Variants in ALDH1A2 observed in about 807,000 individuals in gnomAD.
ALDH1A2 encodes retinal dehydrogenase 2.
ALDH1A2 carries 27 observed loss-of-function variants against 60.3 expected under a neutral mutation model. The ratio of observed to expected loss-of-function variants is 0.45; its 90% CI spans 0.33 to 0.62. The LOEUF (loss-of-function observed/expected upper bound fraction) is 0.62. Among genes scored for constraint, ALDH1A2 ranks in the 20% least tolerant of loss-of-function variants. ALDH1A2 has a pLI of 0.02. For synonymous variants in ALDH1A2, 289 were observed against 232.4 expected (o/e 1.24, Z -2.21); for missense variants, 581 against 643.8 (o/e 0.90, Z 1.06).
In ALDH1A2 at chr15:57,997,357, T is replaced by A. The variant is rs186288242; in HGVS notation, c.494-2218A>T. 7.8e-4 allele frequency among the ~76,000 whole-genome samples: 119 copies of A among 152,128 alleles called. 1 individual carries two copies. The highest frequency in any genetic ancestry group is 1.5e-3 in the Non-Finnish European group (99 of 67,944). Reference sequence around the variant, plus strand: ...CACTGATCAATAAGCTAGAGTTTCATTTACAAGAAAATCTTCTGCAACTGA... The same window carrying A: ...CACTGATCAATAAGCTAGAGTTTCAATTACAAGAAAATCTTCTGCAACTGA... On this transcript the variant is annotated intron_variant, in intron 4 of 12. Coordinates refer to ENST00000249750, the MANE Select transcript of ALDH1A2 (RefSeq NM_003888.4).
At chr15:58,003,725 T>C (rs1895354158) in intron 4 of ALDH1A2, among the ~76,000 whole-genome samples, 1 of 151,904 alleles carries the variant, frequency 6.6e-6, no homozygotes, top group Non-Finnish European at 1.5e-5. Flanking sequence ...GAGAAGAGGA[T>C]TTGAATACAG....
At chr15:58,025,207 G>C (rs1010409313) in intron 1 of ALDH1A2, among the ~76,000 whole-genome samples, 1 of 152,050 alleles carries the variant, frequency 6.6e-6, no homozygotes, top group Non-Finnish European at 1.5e-5. Context: ...AAATGAAACA[G>C]AGACTAAAAA....
chr15:58,051,053 T>C (rs1376447747), intron 1 of ALDH1A2, among the ~76,000 whole-genome samples: 1 of 152,178 alleles, frequency 6.6e-6, no homozygotes, highest in Non-Finnish European at 1.5e-5. Context: ...TTTACATATC[T>C]GTTGATATAA....
chr15:57,992,879 G>C, intron 6 of ALDH1A2, 61 bp from the exon 7 acceptor site: 2 of 1,613,712 alleles, frequency 1.2e-6, no homozygotes, highest in South Asian at 2.2e-5. Flanking sequence ...TGTTAAATGA[G>C]ATATGCTCTA....
At chr15:58,036,113 T>C (rs1232582460) in intron 1 of ALDH1A2, among the ~76,000 whole-genome samples, 2 of 151,676 alleles carry the variant, frequency 1.3e-5, no homozygotes, top group East Asian at 1.9e-4. Context: ...AGGCCAAAGT[T>C]TTAAAATAAA....
chr15:57,967,708 A>T (rs189092173), intron 7 of ALDH1A2, among the ~76,000 whole-genome samples: 1 of 152,308 alleles, frequency 6.6e-6, no homozygotes, highest in African/African-American at 2.4e-5. Context: ...TGAAAACATG[A>T]CTTACCAAGG....
chr15:57,962,068 T>C lies in ALDH1A2; in HGVS notation c.1195A>G (p.Ile399Val). Residue 399 changes from isoleucine (I) to valine (V), a missense_variant, in exon 10 of 13, where the codon ATT becomes GTT. Coordinates refer to ENST00000249750, the MANE Select transcript of ALDH1A2 (RefSeq NM_003888.4). ...ACGTTGGAAAACACTGTGGGCTCAATGAAAAACCCCTTTCGGCCCAGTCCT... is the reference window on the plus strand; with the variant it reads ...ACGTTGGAAAACACTGTGGGCTCAACGAAAAACCCCTTTCGGCCCAGTCCT... The part of the protein sequence containing the change: ...GKGLGRKGFF[I>V]EPTVFSNVTD... 3 of 1,614,196 alleles carry C rather than the reference T, an allele frequency of 1.9e-6. No homozygotes were observed. Among genetic ancestry groups the C allele is most frequent in the South Asian group, 2.2e-5 (2 of 91,082 alleles).
chr15:57,965,406 G>C (rs1158181419), intron 8 of ALDH1A2, among the ~76,000 whole-genome samples: 1 of 152,214 alleles, frequency 6.6e-6, no homozygotes, highest in African/African-American at 2.4e-5. Context: ...TCTAGGCAGA[G>C]AGACTATCCT....
intron 7 of ALDH1A2, among the ~76,000 whole-genome samples, chr15:57,990,046 G>T (rs1380850398): frequency 6.7e-6 from 1 of 150,136 alleles, no homozygotes; most frequent in Non-Finnish European, 1.5e-5. Flanking sequence ...GAAGCTGTCA[G>T]AAAAAGACTA....
chr15:58,030,254 T>C (rs1896198597), intron 1 of ALDH1A2, among the ~76,000 whole-genome samples: 1 of 152,178 alleles, frequency 6.6e-6, no homozygotes, highest in African/African-American at 2.4e-5. Context: ...CTGATAAATA[T>C]AATCCATCGC....
intron 1 of ALDH1A2, among the ~76,000 whole-genome samples, chr15:58,022,132 A>G (rs1895945023): frequency 6.6e-6 from 1 of 152,086 alleles, no homozygotes; most frequent in Non-Finnish European, 1.5e-5. Flanking sequence ...GCCCCTGCCC[A>G]TCACAGCTAG....
intron 1 of ALDH1A2, among the ~76,000 whole-genome samples, chr15:58,049,020 T>C (rs1896707480): frequency 6.6e-6 from 1 of 152,048 alleles, no homozygotes; most frequent in Admixed American, 6.6e-5. Flanking sequence ...ATCTGCTTTC[T>C]GGCACTATAG....
rs2140441816 is a variant in ALDH1A2 at position 57,955,918 on chromosome 15, C to T, written c.1485-649G>A. Among the ~76,000 whole-genome samples the T allele has an allele frequency of 4.6e-5, 7 of 152,196 alleles. 1 individual carries two copies. The South Asian group carries it at 1.5e-3, about 32-fold the overall frequency. The stretch of plus-strand genomic sequence containing the variant: ...TATCTAATCTATTTCATTATAAAAT[C>T]ACGCATGTTCTCCTCTTTTTCTTCT... On this transcript the variant is annotated intron_variant, in intron 12 of 12. Transcript: ENST00000249750.
chr15:57,994,834 G>C (rs1436326577), intron 5 of ALDH1A2, among the ~76,000 whole-genome samples: 1 of 152,086 alleles, frequency 6.6e-6, no homozygotes, highest in African/African-American at 2.4e-5. Flanking sequence ...ACTGTGCTTT[G>C]CTTATTTTAA....
At chr15:57,970,728 C>T (rs1300865839) in intron 7 of ALDH1A2, among the ~76,000 whole-genome samples, 4 of 152,178 alleles carry the variant, frequency 2.6e-5, no homozygotes, top group African/African-American at 9.6e-5. Flanking sequence ...CGATATAACA[C>T]CTTTTTAAAA....
chr15:58,002,874 G>T (rs555374980), intron 4 of ALDH1A2, among the ~76,000 whole-genome samples: 11 of 151,790 alleles, frequency 7.2e-5, no homozygotes, highest in Non-Finnish European at 2.9e-5. Context: ...TGTATGTACT[G>T]TAGCAGATTC....
chr15:58,064,488 T>C (rs1897121334), intron 1 of ALDH1A2, among the ~76,000 whole-genome samples: 1 of 152,208 alleles, frequency 6.6e-6, no homozygotes, highest in African/African-American at 2.4e-5. Context: ...TCTACAAAAT[T>C]TATCTTGTAA....
chr15:58,065,226 C>G (rs1897145969), intron 1 of ALDH1A2: 2 of 395,768 alleles, frequency 5.1e-6, no homozygotes, highest in Non-Finnish European at 9.5e-6. Context: ...CCTTCCCCCG[C>G]GGCAGTCGGG....
In ALDH1A2 at chr15:57,963,764, T is replaced by C. The variant is rs186573568; in HGVS notation, c.1086+121A>G. ...TCCATTTCCAGCCACGAAGACATGG[T>C]GGAGAATAAAGGAGTCAGCCGAAAA... On this transcript the variant is annotated intron_variant, in intron 9 of 12. Transcript: ENST00000249750. 6 of 986,868 alleles carry C rather than the reference T, an allele frequency of 6.1e-6. No homozygotes were observed. In the East Asian group the frequency reaches 1.5e-4, roughly 24 times the overall value. The allele number at this position is 986,868 out of a possible 1,614,324, so 61.1% of individuals were successfully genotyped here.
Sources: gnomAD v4.1 joint callset for allele counts (sites outside exome capture counted in the v4.1 genomes callset) on GRCh38, gnomAD v4.1.1 for gene constraint, MANE v1.5 for transcripts, NCBI Gene and HGNC (gene_info 2026-07-23, HGNC 2026-07-21) for gene names.